The following LRBA variants were observed in gnomAD, a reference collection of about 807,000 sequenced individuals.
LRBA encodes the protein lipopolysaccharide-responsive and beige-like anchor protein.
In LRBA, 176 loss-of-function variants were observed where a neutral mutation model predicts 330.0. That is an observed-to-expected ratio of 0.53 (90% CI 0.47 to 0.60). LRBA has a LOEUF of 0.60. LRBA is among the 20% of genes least tolerant of loss of function. The probability of loss-of-function intolerance (pLI) is 0.00; values close to 1 mark genes in which losing one functional copy is unlikely to be tolerated. For synonymous variants in LRBA, 1,230 were observed against 1,193.0 expected, an observed-to-expected ratio of 1.03 and a Z score of -0.64; for missense variants, 3,259 against 3,444.8, an observed-to-expected ratio of 0.95 and a Z score of 1.35.
intron 36 of LRBA, among the ~76,000 whole-genome samples, chr4:150,700,692 T>G (rs1460388923): frequency 6.6e-6 from 1 of 152,230 alleles, no homozygotes; most frequent in South Asian, 2.1e-4. Flanking sequence ...ATAACACAGT[T>G]TAAAATGCAC....
intron 30 of LRBA, among the ~76,000 whole-genome samples, chr4:150,826,324 G>A (rs577516746): frequency 6.6e-5 from 10 of 152,160 alleles, no homozygotes; most frequent in Non-Finnish European, 1.3e-4. Context: ...TTTGGGATGG[G>A]GGGGAAGCCA....
intron 37 of LRBA, among the ~76,000 whole-genome samples, chr4:150,606,358 T>A (rs1262071867): frequency 6.6e-6 from 1 of 152,096 alleles, no homozygotes; most frequent in African/African-American, 2.4e-5. Flanking sequence ...AAAGCTCACC[T>A]CAGCCTCACT....
chr4:150,494,610 AT>A (rs1404931182), intron 40 of LRBA, among the ~76,000 whole-genome samples: 14 of 152,338 alleles, frequency 9.2e-5, no homozygotes, highest in African/African-American at 3.4e-4. Flanking sequence ...TTTATATTCC[AT>A]TCCCTTAAAC....
At chr4:150,985,519 G>A (rs1175131187) in intron 2 of LRBA, among the ~76,000 whole-genome samples, 2 of 148,936 alleles carry the variant, frequency 1.3e-5, no homozygotes, top group Non-Finnish European at 3.0e-5. Flanking sequence ...TTTTAATTGA[G>A]ATGGAGTCTC....
intron 40 of LRBA, among the ~76,000 whole-genome samples, chr4:150,519,498 C>T (rs985963180): frequency 2.0e-5 from 3 of 152,028 alleles, no homozygotes; most frequent in Non-Finnish European, 4.4e-5. Flanking sequence ...TTTCACTCAC[C>T]GTAAAGTTTT....
chr4:150,386,913 C>T (rs1482610789), intron 47 of LRBA, among the ~76,000 whole-genome samples: 2 of 152,142 alleles, frequency 1.3e-5, no homozygotes, highest in Admixed American at 6.5e-5. Flanking sequence ...TTCTACACAA[C>T]CTCGCCAGCA....
At chr4:150,523,011 T>C (rs1763087954) in intron 40 of LRBA, among the ~76,000 whole-genome samples, 2 of 152,170 alleles carry the variant, frequency 1.3e-5, no homozygotes, top group African/African-American at 2.4e-5. Flanking sequence ...CGGTAACTTG[T>C]TTGATTTCAC....
At position 150,771,973 on chromosome 4, in the gene LRBA, T is replaced by C. The variant is rs76755738; in HGVS notation, c.5581-10126A>G. Among the ~76,000 whole-genome samples, 1,167 of 152,234 alleles carry C rather than the reference T, an allele frequency of 7.7e-3. 11 individuals carry two copies. The highest frequency in any genetic ancestry group is 0.027 in the African/African-American group (1,112 of 41,534). ...GGACACAAATACACAGTATTCAGAT[T>C]TTTTCTCCCATTCATAGACATCTAT... On this transcript the variant is annotated intron_variant, in intron 34 of 56. Coordinates refer to ENST00000651943, the MANE Select transcript of LRBA (RefSeq NM_001364905.1).
intron 36 of LRBA, among the ~76,000 whole-genome samples, chr4:150,717,667 C>T (rs55906221): frequency 1.3e-4 from 2 of 15,972 alleles, no homozygotes; most frequent in Non-Finnish European, 6.3e-4. Flanking sequence ...CTCAAAATAA[C>T]AATAATAGTA....
At position 150,953,960 on chromosome 4, in the gene LRBA, G is replaced by A. The variant is rs1410254014; in HGVS notation, c.217-24895C>T. 3.8e-4 allele frequency among the ~76,000 whole-genome samples: 5 copies of A among 13,208 alleles called. 1 individual carries two copies. Among genetic ancestry groups the A allele is most frequent in the African/African-American group, 6.4e-4 (4 of 6,282 alleles). The allele number at this position is 13,208 out of a possible 152,430, so 8.7% of individuals were successfully genotyped here. A position where few individuals can be genotyped will look rare whatever the true frequency, so the allele number is the denominator to read the frequency against. On this transcript the variant is annotated intron_variant, in intron 2 of 56. Coordinates refer to ENST00000651943, the MANE Select transcript of LRBA (RefSeq NM_001364905.1). ...ACCCATCTTCTGGGATGTGGGGAGC[G>A]CCTCTGCCCCGCCACCCCGTCTGGG...
At chr4:150,373,554 G>A (rs985778353) in intron 47 of LRBA, among the ~76,000 whole-genome samples, 1 of 152,094 alleles carries the variant, frequency 6.6e-6, no homozygotes, top group Non-Finnish European at 1.5e-5. Flanking sequence ...TAATTTGTTA[G>A]AGAAAAATCA....
chr4:150,862,642 G>A (rs902131210), intron 22 of LRBA, among the ~76,000 whole-genome samples: 17 of 148,980 alleles, frequency 1.1e-4, no homozygotes, highest in African/African-American at 2.5e-4. Flanking sequence ...AAACCTGCAC[G>A]TTGTGTACAT....
intron 44 of LRBA, among the ~76,000 whole-genome samples, chr4:150,453,178 A>G (rs1753605729): frequency 6.6e-6 from 1 of 152,152 alleles, no homozygotes; most frequent in African/African-American, 2.4e-5. Flanking sequence ...GCTTTTTAAA[A>G]ATTAGAAATT....
At chr4:150,592,822 G>A (rs1328853615) in intron 38 of LRBA, among the ~76,000 whole-genome samples, 1 of 151,840 alleles carries the variant, frequency 6.6e-6, no homozygotes, top group African/African-American at 2.4e-5. Flanking sequence ...TTGTAGAGAT[G>A]AGGTCTTCCC....
At chr4:150,743,719 T>C (rs1256059245) in intron 35 of LRBA, among the ~76,000 whole-genome samples, 1 of 152,192 alleles carries the variant, frequency 6.6e-6, no homozygotes, top group African/African-American at 2.4e-5. Flanking sequence ...AAAAAGACCA[T>C]GTGTACTGCA....
At chr4:150,989,851 T>C (rs1399837416) in intron 2 of LRBA, among the ~76,000 whole-genome samples, 1 of 151,838 alleles carries the variant, frequency 6.6e-6, no homozygotes, top group Non-Finnish European at 1.5e-5. Flanking sequence ...CAGGCATGCA[T>C]GGTGGCTCAT....
intron 25 of LRBA, among the ~76,000 whole-genome samples, 170 bp from the exon 26 acceptor site, chr4:150,849,168 G>C (rs1750277227): frequency 6.6e-6 from 1 of 152,124 alleles, no homozygotes. Flanking sequence ...GGATGAGGAG[G>C]AGCAACAGAA....
intron 2 of LRBA, among the ~76,000 whole-genome samples, chr4:150,947,741 T>A (rs1348745542): frequency 6.6e-6 from 1 of 152,030 alleles, no homozygotes; most frequent in Non-Finnish European, 1.5e-5. Context: ...AATTAAGCTG[T>A]CCCTATTTGC....
chr4:150,896,494 T>TA (rs753459999), intron 15 of LRBA, 38 bp from the exon 16 acceptor site: 13 of 1,073,450 alleles, frequency 1.2e-5, no homozygotes, highest in South Asian at 2.9e-5. Flanking sequence ...CGTTTACATG[T>TA]AAAAAAATGT....
Sources: gnomAD v4.1 joint callset for allele counts (sites outside exome capture counted in the v4.1 genomes callset) on GRCh38, gnomAD v4.1.1 for gene constraint, MANE v1.5 for transcripts, NCBI Gene and HGNC (gene_info 2026-07-23, HGNC 2026-07-21) for gene names.